IQCB1: variants seen among roughly 807,000 people sequenced by gnomAD.
IQCB1 encodes IQ calmodulin-binding motif-containing protein 1.
IQCB1 carries 56 observed loss-of-function variants against 84.4 expected under a neutral mutation model. That is an observed-to-expected ratio of 0.66 (90% confidence interval 0.54 to 0.83). The LOEUF (loss-of-function observed/expected upper bound fraction) is 0.83, where lower values mean the gene tolerates loss of function less well. IQCB1 is among the 40% of genes least tolerant of loss of function. The pLI is 0.00. For missense variants in IQCB1, 629 were observed against 682.1 expected, an observed-to-expected ratio of 0.92 and a Z score of 0.87; for synonymous variants, 210 against 234.8, an observed-to-expected ratio of 0.89 and a Z score of 0.96.
At chr3:121,771,388 G>A (rs1947984529) in intron 14 of IQCB1, among the ~76,000 whole-genome samples, 1 of 151,592 alleles carries the variant, frequency 6.6e-6, no homozygotes, top group East Asian at 1.9e-4. Flanking sequence ...GAGTGCAGTA[G>A]CGCGATCTCT....
At position 121,826,117 on chromosome 3, in the gene IQCB1, T is replaced by C. The variant is rs369191532; in HGVS notation, c.327A>G (p.Pro109=). Reference sequence around the variant, plus strand: ...AAACTAGAAAATTTTCTGCAGCTGATGGAAGTAATTCATTGTAAAATTCCT... The same window carrying C: ...AAACTAGAAAATTTTCTGCAGCTGACGGAAGTAATTCATTGTAAAATTCCT... ...DAEEFYNELL[P]SAAENFLVLG... Residue 109 remains proline, a synonymous_variant, in exon 5 of 15, where the codon CCA becomes CCG. Coordinates refer to ENST00000310864, the MANE Select transcript of IQCB1 (RefSeq NM_001023570.4). 3.7e-6 allele frequency: 6 copies of C among 1,613,010 alleles called. No homozygotes were observed. The highest frequency in any genetic ancestry group is 4.2e-6 in the Non-Finnish European group (5 of 1,179,060).
At chr3:121,822,744 C>T (rs879916285) in intron 5 of IQCB1, among the ~76,000 whole-genome samples, 1 of 152,148 alleles carries the variant, frequency 6.6e-6, no homozygotes, top group Non-Finnish European at 1.5e-5. Context: ...GGGCAATACT[C>T]TAATGGCAAA....
rs966466066 is a variant in IQCB1 at position 121,828,409 on chromosome 3, T to C, written c.263+61A>G. 18 of 1,446,116 alleles carry C rather than the reference T, an allele frequency of 1.2e-5. No individual in the cohort carries two copies. In the East Asian group the frequency reaches 3.9e-4, roughly 31 times the overall value. The allele number at this position is 1,446,116 out of a possible 1,614,324, so 89.6% of individuals were successfully genotyped here. On this transcript the variant is annotated intron_variant, in intron 4 of 14. Transcript: ENST00000310864. ...TAGGCAGATAAATAAAAAGCAAATG[T>C]TGAAAATCAGAATCAACTACTACAT...
At chr3:121,771,368 A>T (rs990894446) in intron 14 of IQCB1, among the ~76,000 whole-genome samples, 1 of 149,756 alleles carries the variant, frequency 6.7e-6, no homozygotes, top group African/African-American at 2.5e-5. Flanking sequence ...TCACTCTGTC[A>T]CCTAGGCTGG....
chr3:121,813,560 A>C lies in IQCB1; in HGVS notation c.394-4551T>G, dbSNP rs183998068. ...ATGCAAATACACACATAGGCTCAAA[A>C]TAAAGGGATGCAGGAATATTTACCA... On this transcript the variant is annotated intron_variant, in intron 5 of 14. Coordinates refer to ENST00000310864, the MANE Select transcript of IQCB1 (RefSeq NM_001023570.4). Among the ~76,000 whole-genome samples the C allele has an allele frequency of 5.0e-4, 76 of 152,334 alleles. No individual in the cohort carries two copies. In the East Asian group the frequency reaches 0.014, roughly 28 times the overall value.
At chr3:121,795,611 TAAA>T (rs34294955) in intron 9 of IQCB1, 45 bp from the exon 10 acceptor site, 139 of 818,762 alleles carry the variant, frequency 1.7e-4, no homozygotes, top group Non-Finnish European at 2.1e-4. Context: ...GGAAGGTCTT[TAAA>T]AAAAAAAAAA....
At chr3:121,797,647 T>G (rs1053376897) in intron 8 of IQCB1, among the ~76,000 whole-genome samples, 17 of 152,112 alleles carry the variant, frequency 1.1e-4, no homozygotes, top group Non-Finnish European at 2.4e-4. Flanking sequence ...GAAGCACTTA[T>G]GCAGATTATT....
chr3:121,812,900 T>G (rs549876063), intron 5 of IQCB1, among the ~76,000 whole-genome samples: 42 of 152,252 alleles, frequency 2.8e-4, no homozygotes, highest in African/African-American at 9.9e-4. Context: ...AACATTCAAA[T>G]TCAAGAAATA....
chr3:121,827,483 T>C (rs892631637), intron 4 of IQCB1, among the ~76,000 whole-genome samples: 5 of 152,124 alleles, frequency 3.3e-5, no homozygotes, highest in African/African-American at 4.8e-5. Context: ...TTCAGAAACA[T>C]GGGAATTTCT....
chr3:121,811,791 C>G (rs984522156), intron 5 of IQCB1, among the ~76,000 whole-genome samples: 4 of 152,216 alleles, frequency 2.6e-5, no homozygotes, highest in African/African-American at 9.6e-5. Flanking sequence ...ATACATAAAA[C>G]TCCCATCTCC....
intron 7 of IQCB1, among the ~76,000 whole-genome samples, chr3:121,802,633 T>A (rs1576580709): frequency 6.6e-6 from 1 of 152,308 alleles, no homozygotes. Flanking sequence ...GGTTTATTTC[T>A]CTATCACGTT....
At chr3:121,813,453 C>T (rs1949913102) in intron 5 of IQCB1, among the ~76,000 whole-genome samples, 1 of 152,128 alleles carries the variant, frequency 6.6e-6, no homozygotes, top group African/African-American at 2.4e-5. Flanking sequence ...GGGCTACATG[C>T]CCCAATTAAA....
chr3:121,809,134 G>C, intron 5 of IQCB1, 125 bp from the exon 6 acceptor site: 1 of 634,588 alleles, frequency 1.6e-6, no homozygotes, highest in South Asian at 1.8e-5. Context: ...CTATTTATGA[G>C]GGACATGATT....
chr3:121,801,641 A>G (rs1446224716), intron 7 of IQCB1, among the ~76,000 whole-genome samples: 2 of 152,062 alleles, frequency 1.3e-5, no homozygotes, highest in African/African-American at 4.8e-5. Flanking sequence ...TCAGTTTGAC[A>G]TGTTTCACCA....
chr3:121,817,509 A>G lies in IQCB1; in HGVS notation c.394-8500T>C, dbSNP rs1323519789. Among the ~76,000 whole-genome samples, 3 of 152,188 alleles carry G rather than the reference A, an allele frequency of 2.0e-5. No homozygotes were observed. The East Asian group carries it at 5.8e-4, about 29-fold the overall frequency. ...AAAGCAGCAGGTTGTCTGTACTATT[A>G]TACCTCTCATTCAATTTCATTCTTC... On this transcript the variant is annotated intron_variant, in intron 5 of 14. Coordinates refer to ENST00000310864, the MANE Select transcript of IQCB1 (RefSeq NM_001023570.4).
At position 121,804,755 on chromosome 3, in the gene IQCB1, T is replaced by C. The variant is rs75384770; in HGVS notation, c.587+2589A>G. ...CCTTTTTGCATCTGCATGTTTATAGTTTTCATCAAATTTGGAAAATGTTAA... is the reference window on the plus strand; with the variant it reads ...CCTTTTTGCATCTGCATGTTTATAGCTTTCATCAAATTTGGAAAATGTTAA... On this transcript the variant is annotated intron_variant, in intron 7 of 14. Coordinates refer to ENST00000310864, the MANE Select transcript of IQCB1 (RefSeq NM_001023570.4). Among the ~76,000 whole-genome samples the C allele has an allele frequency of 3.6e-3, 548 of 152,262 alleles. 4 individuals are homozygous for C. The highest frequency in any genetic ancestry group is 0.013 in the African/African-American group (525 of 41,560).
intron 5 of IQCB1, among the ~76,000 whole-genome samples, chr3:121,813,851 T>C (rs987958728): frequency 6.6e-6 from 1 of 152,122 alleles, no homozygotes; most frequent in Non-Finnish European, 1.5e-5. Context: ...ACTGTCAATA[T>C]TAGACAGATC....
chr3:121,782,049 A>T (rs1948518365), intron 12 of IQCB1, among the ~76,000 whole-genome samples, 175 bp from the exon 13 acceptor site: 1 of 152,192 alleles, frequency 6.6e-6, no homozygotes, highest in South Asian at 2.1e-4. Context: ...TAAAATATAC[A>T]GTCTTCTGTA....
intron 5 of IQCB1, among the ~76,000 whole-genome samples, chr3:121,816,911 A>G (rs1189702811): frequency 6.6e-6 from 1 of 152,246 alleles, no homozygotes; most frequent in Non-Finnish European, 1.5e-5. Context: ...ATTACTGGAT[A>G]TATACCCAAA....
Sources: allele counts gnomAD v4.1 joint callset (sites outside exome capture counted in the v4.1 genomes callset), GRCh38; gene constraint gnomAD v4.1.1; transcripts MANE v1.5; gene names NCBI Gene and HGNC (gene_info 2026-07-23, HGNC 2026-07-21).